The following NOL10 variants were observed in gnomAD, a reference collection of about 807,000 sequenced individuals.
The protein encoded by NOL10 is nucleolar protein 10.
A neutral mutation model predicts 103.5 loss-of-function variants in NOL10; 58 were observed. That is an observed-to-expected ratio of 0.56 (90% CI 0.45 to 0.70). The LOEUF (loss-of-function observed/expected upper bound fraction) is 0.70, where lower values mean the gene tolerates loss of function less well. Among genes scored for constraint, NOL10 ranks in the 30% least tolerant of loss-of-function variants. The probability of loss-of-function intolerance (pLI) is 0.00; values close to 1 mark genes in which losing one functional copy is unlikely to be tolerated. For missense variants in NOL10, 763 were observed against 807.3 expected (o/e 0.95, Z 0.67); for synonymous variants, 287 against 282.5 (o/e 1.02, Z -0.16).
intron 13 of NOL10, 86 bp downstream of exon 13, chr2:10,644,234 A>G: frequency 9.8e-7 from 1 of 1,021,498 alleles, no homozygotes; most frequent in Non-Finnish European, 1.4e-6. Context: ...GGTGATCGCC[A>G]GACTCCGTCT....
At chr2:10,580,162 C>T (rs1674670616) in intron 19 of NOL10, among the ~76,000 whole-genome samples, 1 of 152,246 alleles carries the variant, frequency 6.6e-6, no homozygotes, top group South Asian at 2.1e-4. Context: ...AGCAGTTCCA[C>T]AGCCTGCTTC....
chr2:10,648,285 T>C (rs1014780193), intron 12 of NOL10, among the ~76,000 whole-genome samples: 7 of 152,164 alleles, frequency 4.6e-5, no homozygotes, highest in Non-Finnish European at 7.3e-5. Context: ...CAGTTTCAGC[T>C]TTTCTAAACT....
intron 13 of NOL10, among the ~76,000 whole-genome samples, chr2:10,638,310 G>A (rs796669178): frequency 2.5e-4 from 18 of 71,096 alleles, no homozygotes; most frequent in East Asian, 6.2e-4. Flanking sequence ...AACGTGACGT[G>A]ACGTGACGTG....
In NOL10 at chr2:10,578,840, C is replaced by A. The variant is rs142392669; in HGVS notation, c.1845-1102G>T. Among the ~76,000 whole-genome samples the A allele has an allele frequency of 2.2e-3, 341 of 152,216 alleles. 4 individuals carry two copies. Among genetic ancestry groups the A allele is most frequent in the African/African-American group, 7.6e-3 (315 of 41,534 alleles). On this transcript the variant is annotated intron_variant, in intron 19 of 20. Coordinates refer to ENST00000381685, the MANE Select transcript of NOL10 (RefSeq NM_024894.4). The stretch of plus-strand genomic sequence containing the variant: ...CCCCCTGATAAGATTGAGAGAGATG[C>A]GAGGGAAGACAAAGAATATGGTTCT...
chr2:10,638,646 G>A (rs1358062008), intron 13 of NOL10, among the ~76,000 whole-genome samples: 1 of 148,068 alleles, frequency 6.8e-6, no homozygotes. Context: ...TGCCCACAAT[G>A]ACCCCCGGCT....
At chr2:10,634,278 T>G (rs1678037521) in intron 13 of NOL10, among the ~76,000 whole-genome samples, 1 of 152,160 alleles carries the variant, frequency 6.6e-6, no homozygotes, top group African/African-American at 2.4e-5. Flanking sequence ...GAGAAATGGC[T>G]GGATGTGGAA....
chr2:10,675,221 A>G (rs1358525673), intron 4 of NOL10, among the ~76,000 whole-genome samples: 1 of 152,066 alleles, frequency 6.6e-6, no homozygotes, highest in Admixed American at 6.6e-5. Context: ...TAAATAAATA[A>G]ATAAAAGAAA....
intron 2 of NOL10, among the ~76,000 whole-genome samples, chr2:10,682,955 T>A (rs892871178): frequency 6.6e-6 from 1 of 152,084 alleles, no homozygotes; most frequent in Non-Finnish European, 1.5e-5. Context: ...TGGCTAATTT[T>A]TGTATTTTTA....
At chr2:10,605,696 T>C (rs1031221739) in intron 14 of NOL10, among the ~76,000 whole-genome samples, 1 of 152,164 alleles carries the variant, frequency 6.6e-6, no homozygotes. Context: ...ATGACCTTTT[T>C]TCATTCGATT....
intron 11 of NOL10, among the ~76,000 whole-genome samples, chr2:10,654,861 A>T (rs1343133668): frequency 3.3e-5 from 5 of 151,558 alleles, no homozygotes; most frequent in South Asian, 4.2e-4. Context: ...CATCAACTTT[A>T]AAAAAAAATC....
chr2:10,668,592 C>CGT, intron 7 of NOL10, 66 bp downstream of exon 7: 1 of 789,780 alleles, frequency 1.3e-6, no homozygotes, highest in Non-Finnish European at 2.1e-6. Flanking sequence ...TACTTGTTAA[C>CGT]AAACTGAGCA....
chr2:10,641,742 A>G (rs1678710596), intron 13 of NOL10, among the ~76,000 whole-genome samples: 1 of 152,098 alleles, frequency 6.6e-6, no homozygotes, highest in Non-Finnish European at 1.5e-5. Context: ...GTCTCTTACA[A>G]CCATAACAAC....
intron 13 of NOL10, among the ~76,000 whole-genome samples, chr2:10,640,654 T>A (rs1434632060): frequency 3.3e-5 from 5 of 152,112 alleles, no homozygotes; most frequent in African/African-American, 1.2e-4. Context: ...CTTCTTCTCA[T>A]CACCAGCCCC....
chr2:10,590,274 A>C (rs556622737), intron 17 of NOL10, among the ~76,000 whole-genome samples: 1 of 152,162 alleles, frequency 6.6e-6, no homozygotes, highest in South Asian at 2.1e-4. Context: ...GCACCCGGCT[A>C]ATTTTTTATT....
chr2:10,635,948 C>T lies in NOL10; in HGVS notation c.1026+8372G>A, dbSNP rs149362394. Among the ~76,000 whole-genome samples, 45 of 152,312 alleles carry T rather than the reference C, an allele frequency of 3.0e-4. No individual in the cohort carries two copies. In the East Asian group the frequency reaches 7.1e-3, roughly 24 times the overall value. ...TCACCCAGGCTGGAGTGCGGTAGCA[C>T]GACCTCGGCTCACCGTAACCTCTGT... On this transcript the variant is annotated intron_variant, in intron 13 of 20. Transcript: ENST00000381685.
At chr2:10,577,130 C>T (rs566904667) in intron 20 of NOL10, among the ~76,000 whole-genome samples, 52 of 152,292 alleles carry the variant, frequency 3.4e-4, no homozygotes, top group African/African-American at 1.0e-3. Context: ...AGAATGACCA[C>T]GGGCAGAGTA....
At chr2:10,588,941 C>T in intron 19 of NOL10, 102 bp downstream of exon 19, 2 of 1,503,986 alleles carry the variant, frequency 1.3e-6, no homozygotes, top group African/African-American at 2.8e-5. Flanking sequence ...TCTGCACCTC[C>T]ATCATCCAAA....
chr2:10,683,955 C>T (rs1017736379), intron 2 of NOL10, among the ~76,000 whole-genome samples: 2 of 152,100 alleles, frequency 1.3e-5, no homozygotes, highest in Admixed American at 1.3e-4. Context: ...CCACCAGGAA[C>T]ATACCAACCA....
Position 10,621,412 on chromosome 2 carries a change from G to A in NOL10, c.1027-14101C>T, listed in dbSNP as rs562209143. ...AATTCAAGACCAGCCTGGACAACAT[G>A]GTGAGACTCCATCTCTATAAAACAT... On this transcript the variant is annotated intron_variant, in intron 13 of 20. Coordinates refer to ENST00000381685, the MANE Select transcript of NOL10 (RefSeq NM_024894.4). 2.6e-5 allele frequency among the ~76,000 whole-genome samples: 4 copies of A among 152,194 alleles called. No individual in the cohort carries two copies. In the South Asian group the frequency reaches 8.3e-4, roughly 32 times the overall value.
Sources: gnomAD v4.1 joint callset for allele counts (sites outside exome capture counted in the v4.1 genomes callset) on GRCh38, gnomAD v4.1.1 for gene constraint, MANE v1.5 for transcripts, NCBI Gene and HGNC (gene_info 2026-07-23, HGNC 2026-07-21) for gene names.